WDR7: variants seen among roughly 807,000 people sequenced by gnomAD.
WDR7 encodes WD repeat-containing protein 7.
WDR7 carries 46 observed loss-of-function variants against 169.4 expected under a neutral mutation model. The ratio of observed to expected loss-of-function variants is 0.27; its 90% CI spans 0.21 to 0.35. The LOEUF (loss-of-function observed/expected upper bound fraction) is 0.35, where lower values mean the gene tolerates loss of function less well. Ranked by LOEUF, WDR7 falls within the 10% of genes least tolerant of loss-of-function variation. WDR7 has a pLI of 1.00. For missense variants in WDR7, 1,534 were observed against 1,859.3 expected (o/e 0.83, Z 3.22); for synonymous variants, 612 against 666.8 (o/e 0.92, Z 1.27).
intron 20 of WDR7, among the ~76,000 whole-genome samples, chr18:56,832,451 G>A (rs192626472): frequency 2.6e-5 from 4 of 152,346 alleles, no homozygotes; most frequent in Admixed American, 1.3e-4. Flanking sequence ...TGGCTCTGAA[G>A]AGAGCAGCAG....
At chr18:56,689,207 TA>T (rs1409294698) in intron 7 of WDR7, among the ~76,000 whole-genome samples, 1 of 152,228 alleles carries the variant, frequency 6.6e-6, no homozygotes, top group Non-Finnish European at 1.5e-5. Flanking sequence ...GGGCTTACCA[TA>T]AGCTGAGATT....
intron 21 of WDR7, chr18:56,890,756 T>A (rs932026314): frequency 6.6e-6 from 1 of 152,240 alleles, no homozygotes; most frequent in African/African-American, 2.4e-5. Flanking sequence ...CTCTCTTCTC[T>A]GACTTGTTTG....
At chr18:56,676,718 T>G (rs2025251913) in intron 2 of WDR7, among the ~76,000 whole-genome samples, 1 of 147,572 alleles carries the variant, frequency 6.8e-6, no homozygotes. Context: ...GTTTTTTTGG[T>G]TTTTTTTTTG....
chr18:56,679,795 A>G (rs2025318284), intron 3 of WDR7, among the ~76,000 whole-genome samples: 1 of 152,196 alleles, frequency 6.6e-6, no homozygotes, highest in Non-Finnish European at 1.5e-5. Context: ...CTAGGCTAGC[A>G]TAAATTTTGA....
intron 5 of WDR7, among the ~76,000 whole-genome samples, chr18:56,684,113 C>T (rs899649173): frequency 6.6e-5 from 10 of 151,904 alleles, no homozygotes; most frequent in African/African-American, 1.9e-4. Context: ...AGCAGACCTG[C>T]GATCAGGATG....
At chr18:57,007,606 C>G (rs1328697325) in intron 26 of WDR7, among the ~76,000 whole-genome samples, 2 of 152,128 alleles carry the variant, frequency 1.3e-5, no homozygotes, top group African/African-American at 4.8e-5. Context: ...TGTCAACCTT[C>G]AAAGCAATTT....
chr18:56,886,173 T>C (rs2046190127), intron 21 of WDR7, among the ~76,000 whole-genome samples: 1 of 152,152 alleles, frequency 6.6e-6, no homozygotes, highest in Non-Finnish European at 1.5e-5. Context: ...AGGCACATAG[T>C]CATCAGGTTA....
chr18:56,653,764 T>C (rs1197298611), intron 1 of WDR7, among the ~76,000 whole-genome samples: 1 of 152,218 alleles, frequency 6.6e-6, no homozygotes, highest in Non-Finnish European at 1.5e-5. Flanking sequence ...TCTACTACAG[T>C]TTATCTGTCT....
chr18:56,706,027 C>A (rs1476545834), intron 12 of WDR7, among the ~76,000 whole-genome samples: 2 of 151,964 alleles, frequency 1.3e-5, no homozygotes, highest in African/African-American at 4.8e-5. Context: ...AAATAATGAC[C>A]AACAGATCAG....
Position 56,682,826 on chromosome 18 carries a change from A to G in WDR7, c.493A>G (p.Ser165Gly). The change falls in exon 5 of 28, where the codon AGT becomes GGT. Residue 165 changes from serine to glycine, a missense_variant. By Grantham distance (56) the Ser-to-Gly change is moderately conservative. Transcript: ENST00000254442. Reference sequence around the variant, plus strand: ...ATCACCAGACTGGATTAGCTCCATGAGTATTATTCGATCCCACCGAACACA... The same window carrying G: ...ATCACCAGACTGGATTAGCTCCATGGGTATTATTCGATCCCACCGAACACA... Reference protein sequence around the residue: ...KISPDWISSMSIIRSHRTQED... With the variant: ...KISPDWISSMGIIRSHRTQED... The G allele has an allele frequency of 6.2e-7, 1 of 1,613,714 alleles. No individual in the cohort carries two copies. Among genetic ancestry groups the G allele is most frequent in the Non-Finnish European group, 8.5e-7 (1 of 1,179,722 alleles).
intron 13 of WDR7, among the ~76,000 whole-genome samples, chr18:56,730,622 C>T (rs912318225): frequency 2.6e-5 from 4 of 152,058 alleles, no homozygotes; most frequent in East Asian, 1.9e-4. Context: ...AAAAATTAGC[C>T]GGGCGTGATG....
intron 14 of WDR7, among the ~76,000 whole-genome samples, 200 bp from the exon 15 acceptor site, chr18:56,756,383 A>G (rs1467678966): frequency 1.3e-5 from 2 of 152,206 alleles, no homozygotes; most frequent in Non-Finnish European, 2.9e-5. Flanking sequence ...GTTTCAGCAT[A>G]AAGTTCTTCT....
intron 12 of WDR7, chr18:56,699,979 C>A (rs552153568): frequency 5.3e-5 from 39 of 732,860 alleles, no homozygotes; most frequent in Non-Finnish European, 6.3e-5. Context: ...ATCTTTTTAT[C>A]TAAAAGTCTT....
chr18:57,024,527 A>G (rs2048331453), intron 27 of WDR7, among the ~76,000 whole-genome samples: 1 of 145,964 alleles, frequency 6.9e-6, no homozygotes, highest in African/African-American at 2.6e-5. Context: ...ACATATCCCT[A>G]TTCTCAGACA....
chr18:56,759,275 A>C (rs1477574581), intron 16 of WDR7, among the ~76,000 whole-genome samples: 6 of 152,170 alleles, frequency 3.9e-5, no homozygotes, highest in African/African-American at 1.4e-4. Flanking sequence ...TACCTATTTT[A>C]AACTACATTT....
At chr18:56,891,081 G>A (rs2046257570) in intron 21 of WDR7, 1 of 152,118 alleles carries the variant, frequency 6.6e-6, no homozygotes, top group Admixed American at 6.6e-5. Flanking sequence ...GTAGAATCTA[G>A]AATCTTTTAC....
intron 21 of WDR7, among the ~76,000 whole-genome samples, chr18:56,912,251 A>G (rs1475260738): frequency 6.6e-6 from 1 of 152,224 alleles, no homozygotes; most frequent in Non-Finnish European, 1.5e-5. Flanking sequence ...GAAGCAATGG[A>G]TAGAACATGG....
chr18:56,728,133 CAT>C (rs1208489201), intron 13 of WDR7, among the ~76,000 whole-genome samples: 1 of 152,120 alleles, frequency 6.6e-6, no homozygotes, highest in Non-Finnish European at 1.5e-5. Context: ...TTTCTCATTA[CAT>C]CTTATCAGTT....
intron 20 of WDR7, among the ~76,000 whole-genome samples, chr18:56,835,645 G>C (rs567856335): frequency 6.6e-6 from 1 of 152,092 alleles, no homozygotes; most frequent in South Asian, 2.1e-4. Flanking sequence ...CATTTTGCTC[G>C]CTTTGCATCT....
Sources: allele counts gnomAD v4.1 joint callset (sites outside exome capture counted in the v4.1 genomes callset), GRCh38; gene constraint gnomAD v4.1.1; transcripts MANE v1.5; gene names NCBI Gene and HGNC (gene_info 2026-07-23, HGNC 2026-07-21).